The following MNS1 variants were observed in gnomAD, a reference collection of about 807,000 sequenced individuals.
MNS1 encodes the protein meiosis specific nuclear structural 1.
A neutral mutation model predicts 72.0 loss-of-function variants in MNS1; 63 were observed. The observed-to-expected ratio is 0.87, with a 90% CI of 0.71 to 1.08. The LOEUF (loss-of-function observed/expected upper bound fraction) is 1.08, where lower values mean the gene tolerates loss of function less well. Among genes scored for constraint, MNS1 ranks in the 50% least tolerant of loss-of-function variants. The pLI, the probability that MNS1 is intolerant of heterozygous loss-of-function variation, is 0.00. For synonymous variants in MNS1, 188 were observed against 172.1 expected (o/e 1.09, Z -0.72); for missense variants, 604 against 562.4 (o/e 1.07, Z -0.75).
chr15:56,435,951 A>C lies in MNS1; in HGVS notation c.1012-1556T>G, dbSNP rs375771252. On this transcript the variant is annotated intron_variant, in intron 7 of 9. Transcript: ENST00000260453. ...TTAAAAGAATTATTCACCATGACCA[A>C]GTAGTGTTTATTACAGGGATGCAAG... is the stretch of plus-strand genomic sequence containing the variant. Among the ~76,000 whole-genome samples, 4 of 152,208 alleles carry C rather than the reference A, an allele frequency of 2.6e-5. 1 individual carries two copies. The highest frequency in any genetic ancestry group is 6.6e-5 in the Admixed American group (1 of 15,254).
At chr15:56,457,363 T>A (rs2050987948) in intron 2 of MNS1, among the ~76,000 whole-genome samples, 1 of 152,166 alleles carries the variant, frequency 6.6e-6, no homozygotes, top group African/African-American at 2.4e-5. Flanking sequence ...CATCAGGAAA[T>A]GCAAATTAGA....
chr15:56,460,009 A>AATATATATATATATATATAT (rs2051009415), intron 2 of MNS1, among the ~76,000 whole-genome samples: 1 of 26,406 alleles, frequency 3.8e-5, no homozygotes, highest in African/African-American at 1.5e-4. Context: ...AAAAAAAAAA[A>AATATATATATATATATATAT]ATACATATAT....
intron 7 of MNS1, among the ~76,000 whole-genome samples, chr15:56,440,794 A>G (rs545828378): frequency 6.6e-6 from 1 of 152,188 alleles, no homozygotes; most frequent in African/African-American, 2.4e-5. Flanking sequence ...AGGTTTATCC[A>G]TGTTTTAGCA....
At chr15:56,460,204 C>T (rs1204164214) in intron 2 of MNS1, among the ~76,000 whole-genome samples, 1 of 150,876 alleles carries the variant, frequency 6.6e-6, no homozygotes, top group Non-Finnish European at 1.5e-5. Flanking sequence ...GGTCAGTATA[C>T]ATATTATAGC....
chr15:56,439,456 A>T (rs78907028), intron 7 of MNS1, among the ~76,000 whole-genome samples: 10 of 137,402 alleles, frequency 7.3e-5, no homozygotes, highest in Admixed American at 2.9e-4. Flanking sequence ...TAAAAAAAAA[A>T]TTTTAAGACT....
At chr15:56,446,381 A>G (rs968101071) in intron 4 of MNS1, among the ~76,000 whole-genome samples, 3 of 152,006 alleles carry the variant, frequency 2.0e-5, no homozygotes, top group South Asian at 2.1e-4. Context: ...ACTTGGTACC[A>G]TATCAGGAGT....
At chr15:56,429,685 C>G (rs1309891393) in intron 9 of MNS1, 2 of 152,230 alleles carry the variant, frequency 1.3e-5, no homozygotes, top group African/African-American at 4.8e-5. Flanking sequence ...GAATTCTTCA[C>G]TGTTCTATTT....
At chr15:56,440,808 T>C (rs1182426258) in intron 7 of MNS1, among the ~76,000 whole-genome samples, 1 of 152,226 alleles carries the variant, frequency 6.6e-6, no homozygotes, top group African/African-American at 2.4e-5. Context: ...TTTAGCATGA[T>C]CAGTCTGTCA....
intron 7 of MNS1, among the ~76,000 whole-genome samples, chr15:56,442,715 A>G (rs1408413751): frequency 6.6e-6 from 1 of 152,156 alleles, no homozygotes; most frequent in Non-Finnish European, 1.5e-5. Context: ...AAAGAAGGAA[A>G]ACAGACACTG....
At chr15:56,432,892 C>T (rs1461370104) in intron 8 of MNS1, among the ~76,000 whole-genome samples, 1 of 152,162 alleles carries the variant, frequency 6.6e-6, no homozygotes, top group Non-Finnish European at 1.5e-5. Context: ...CTTAGTCTTC[C>T]TCTAAATTCT....
chr15:56,463,266 C>T (rs190572406), intron 2 of MNS1, among the ~76,000 whole-genome samples: 100 of 152,070 alleles, frequency 6.6e-4, no homozygotes, highest in South Asian at 1.7e-3. Context: ...TTTAAAGGCA[C>T]CCCTAAATTT....
chr15:56,461,870 A>C (rs1334585443), intron 2 of MNS1, among the ~76,000 whole-genome samples: 1 of 151,972 alleles, frequency 6.6e-6, no homozygotes, highest in African/African-American at 2.4e-5. Flanking sequence ...GGTAGACACC[A>C]ATGGAAGAAA....
intron 8 of MNS1, among the ~76,000 whole-genome samples, chr15:56,433,366 A>G (rs964772016): frequency 6.6e-6 from 1 of 152,048 alleles, no homozygotes; most frequent in Non-Finnish European, 1.5e-5. Flanking sequence ...ACCATGGCAC[A>G]TGTATACCTG....
In MNS1 at chr15:56,443,690, C is replaced by T. The variant is rs770367820; in HGVS notation, c.851G>A (p.Arg284Gln). 6.2e-6 allele frequency: 10 copies of T among 1,613,188 alleles called. No homozygotes were observed. Among genetic ancestry groups the T allele is most frequent in the South Asian group, 4.4e-5 (4 of 90,966 alleles). The change falls in exon 6 of 10, where the codon CGG (arginine) becomes CAG (glutamine). Residue 284 changes from arginine (R) to glutamine (Q), a missense_variant. Physicochemically the swap from Arg to Gln is conservative, Grantham distance 43. Coordinates refer to ENST00000260453, the MANE Select transcript of MNS1 (RefSeq NM_018365.4). ...CTCATTTTCTTGAACTTTTGCCATC[C>T]GATCTTCTTCTCTTTGCTGCTGCAT... ...ANMQQQREEDRMAKVQENEEK... is the reference protein window; with the variant it reads ...ANMQQQREEDQMAKVQENEEK...
chr15:56,448,331 A>C (rs1464938539), intron 3 of MNS1, among the ~76,000 whole-genome samples: 3 of 152,212 alleles, frequency 2.0e-5, no homozygotes, highest in Non-Finnish European at 4.4e-5. Context: ...TTTGGAGTAC[A>C]GCTCCTGTCA....
At position 56,444,523 on chromosome 15, in the gene MNS1, G is replaced by T; in HGVS notation, c.607C>A (p.Gln203Lys). ...TTTAGCAGCTGCTCATAAGCTTCCTGCTTTTTTTTTTCTTGTTCTTCAAGT... is the reference window on the plus strand; with the variant it reads ...TTTAGCAGCTGCTCATAAGCTTCCTTCTTTTTTTTTTCTTGTTCTTCAAGT... ...KQLEEQEKKK[Q>K]EAYEQLLKEK... Residue 203 changes from glutamine (Q) to lysine (K), a missense_variant, in exon 5 of 10, where the codon CAG (glutamine) becomes AAG (lysine). Gln to Lys is a moderately conservative substitution (Grantham distance 53). Coordinates refer to ENST00000260453, the MANE Select transcript of MNS1 (RefSeq NM_018365.4). 6.2e-7 allele frequency: 1 copy of T among 1,611,076 alleles called. No homozygotes were observed.
chr15:56,461,051 A>G (rs1397822220), intron 2 of MNS1, among the ~76,000 whole-genome samples: 1 of 152,216 alleles, frequency 6.6e-6, no homozygotes, highest in South Asian at 2.1e-4. Flanking sequence ...GAAATGTCCC[A>G]GCTGAAAGGC....
chr15:56,444,035 G>C (rs1404444248), intron 5 of MNS1, among the ~76,000 whole-genome samples, 181 bp from the exon 6 acceptor site: 4 of 151,938 alleles, frequency 2.6e-5, no homozygotes, highest in African/African-American at 9.7e-5. Flanking sequence ...TCTTTGGGTA[G>C]AATACTGTGA....
intron 9 of MNS1, 86 bp from the exon 10 acceptor site, chr15:56,429,279 A>G (rs2050487034): frequency 3.7e-6 from 3 of 811,922 alleles, no homozygotes; most frequent in Non-Finnish European, 5.9e-6. Context: ...TAAGATTAGT[A>G]AAGTTATCTC....
Sources: allele counts gnomAD v4.1 joint callset (sites outside exome capture counted in the v4.1 genomes callset), GRCh38; gene constraint gnomAD v4.1.1; transcripts MANE v1.5; gene names NCBI Gene and HGNC (gene_info 2026-07-23, HGNC 2026-07-21).